SEL1L2: variants seen among roughly 807,000 people sequenced by gnomAD.
SEL1L2 encodes the protein protein sel-1 homolog 2.
Under a neutral mutation model 98.8 loss-of-function variants are expected in SEL1L2, and 89 were observed. The observed-to-expected ratio is 0.90, with a 90% CI of 0.76 to 1.07. The LOEUF is 1.07. Ranked by LOEUF, SEL1L2 falls within the 50% of genes least tolerant of loss-of-function variation. The pLI is 0.00. For missense variants in SEL1L2, 788 were observed against 812.0 expected (o/e 0.97, Z 0.36); for synonymous variants, 262 against 278.5 (o/e 0.94, Z 0.59).
At chr20:13,933,112 G>A (rs996770533) in intron 2 of SEL1L2, among the ~76,000 whole-genome samples, 10 of 152,174 alleles carry the variant, frequency 6.6e-5, no homozygotes, top group East Asian at 1.9e-4. Flanking sequence ...TGGGAGGTGA[G>A]GCAGAAGAAT....
intron 1 of SEL1L2, among the ~76,000 whole-genome samples, chr20:13,988,358 T>C (rs998545936): frequency 6.6e-6 from 1 of 152,178 alleles, no homozygotes; most frequent in Non-Finnish European, 1.5e-5. Flanking sequence ...GTTTTATTTA[T>C]TTTTTTCAAA....
intron 4 of SEL1L2, among the ~76,000 whole-genome samples, chr20:13,916,967 T>A (rs1386945290): frequency 6.6e-6 from 1 of 152,136 alleles, no homozygotes; most frequent in Non-Finnish European, 1.5e-5. Context: ...TTCTCCCTGT[T>A]CTTTAGGCCA....
chr20:13,865,893 G>A (rs1387498634), intron 15 of SEL1L2, among the ~76,000 whole-genome samples: 2 of 152,068 alleles, frequency 1.3e-5, no homozygotes, highest in South Asian at 2.1e-4. Context: ...GCTGCTCTGC[G>A]AGGGCAAGTT....
At chr20:13,915,047 G>T in intron 4 of SEL1L2, 1 of 1,203,388 alleles carries the variant, frequency 8.3e-7, no homozygotes, top group Non-Finnish European at 1.1e-6. Context: ...CTGTGACCTT[G>T]ACTCAAATAC....
chr20:13,885,355 C>T lies in SEL1L2; in HGVS notation c.949G>A (p.Asp317Asn). 1 of 1,598,802 alleles carries T rather than the reference C, an allele frequency of 6.3e-7. No homozygotes were observed. Among genetic ancestry groups the T allele is most frequent in the Admixed American group, 1.7e-5 (1 of 60,006 alleles). The change falls in exon 10 of 20, where the codon GAT becomes AAT. Residue 317 changes from aspartate (D) to asparagine (N), a missense_variant. By Grantham distance (23) the Asp-to-Asn change is conservative. Coordinates refer to ENST00000284951, the MANE Select transcript of SEL1L2 (RefSeq NM_025229.2). ...HLIGRKGLDQ[D>N]YYKALHYFLK... ...TCTTGAGATTGACTTACGTAGTAAT[C>T]CTGATCTAGACCTTTCCTGCCAATT... is the stretch of plus-strand genomic sequence containing the variant.
chr20:13,951,276 CAAA>C (rs764034768), intron 2 of SEL1L2, among the ~76,000 whole-genome samples: 5 of 25,502 alleles, frequency 2.0e-4, no homozygotes, highest in East Asian at 1.6e-3. Flanking sequence ...GACTCCGTCT[CAAA>C]AAAAAAAAAA....
At chr20:13,927,467 A>T (rs2148287763) in intron 3 of SEL1L2, among the ~76,000 whole-genome samples, 1 of 152,338 alleles carries the variant, frequency 6.6e-6, no homozygotes, top group African/African-American at 2.4e-5. Flanking sequence ...ATGGCTAAAT[A>T]GTTTTCTCTG....
intron 1 of SEL1L2, among the ~76,000 whole-genome samples, chr20:13,968,292 C>T (rs2051137527): frequency 6.6e-6 from 1 of 152,160 alleles, no homozygotes. Flanking sequence ...CTTCCAGAAG[C>T]CTAATTACCT....
At chr20:13,907,730 CTT>C (rs2048010423) in intron 5 of SEL1L2, among the ~76,000 whole-genome samples, 2 of 123,356 alleles carry the variant, frequency 1.6e-5, no homozygotes, top group South Asian at 5.0e-4. Flanking sequence ...TTCTTTCTTT[CTT>C]TCTTTCTTTC....
At chr20:13,929,822 C>T (rs1277231704) in intron 3 of SEL1L2, among the ~76,000 whole-genome samples, 3 of 135,534 alleles carry the variant, frequency 2.2e-5, no homozygotes, top group African/African-American at 8.3e-5. Flanking sequence ...ACGGGGTCTC[C>T]CTCTGTCGCC....
At chr20:13,919,617 A>C (rs575176232) in intron 3 of SEL1L2, among the ~76,000 whole-genome samples, 1 of 152,168 alleles carries the variant, frequency 6.6e-6, no homozygotes, top group African/African-American at 2.4e-5. Flanking sequence ...GGAGGAGGGA[A>C]TTGCTTTATA....
At chr20:13,946,828 A>T (rs1384116601) in intron 2 of SEL1L2, among the ~76,000 whole-genome samples, 1 of 152,140 alleles carries the variant, frequency 6.6e-6, no homozygotes, top group Admixed American at 6.5e-5. Flanking sequence ...ACTGAGGTGG[A>T]GCCTGGGCAC....
intron 5 of SEL1L2, among the ~76,000 whole-genome samples, chr20:13,898,685 A>G (rs1187333462): frequency 1.3e-5 from 2 of 152,094 alleles, no homozygotes; most frequent in Non-Finnish European, 2.9e-5. Flanking sequence ...AGCCAAATCT[A>G]CTTATGTCAC....
At chr20:13,984,632 T>C (rs2052056039) in intron 1 of SEL1L2, among the ~76,000 whole-genome samples, 1 of 152,136 alleles carries the variant, frequency 6.6e-6, no homozygotes, top group East Asian at 1.9e-4. Context: ...CATCCAATCC[T>C]CTACTGCCAA....
At chr20:13,952,789 G>C (rs560514121) in intron 2 of SEL1L2, among the ~76,000 whole-genome samples, 3 of 152,306 alleles carry the variant, frequency 2.0e-5, no homozygotes, top group Admixed American at 6.5e-5. Flanking sequence ...CCAGCACTTT[G>C]GGAGGCCAAG....
At chr20:13,910,906 G>C (rs2048180387) in intron 5 of SEL1L2, among the ~76,000 whole-genome samples, 1 of 152,206 alleles carries the variant, frequency 6.6e-6, no homozygotes, top group South Asian at 2.1e-4. Flanking sequence ...ACGTTAACTA[G>C]AGTGAAACTC....
chr20:13,957,525 T>G (rs545183254), intron 1 of SEL1L2, among the ~76,000 whole-genome samples: 23 of 152,210 alleles, frequency 1.5e-4, no homozygotes, highest in Non-Finnish European at 3.1e-4. Context: ...TAGGAACTGG[T>G]CCCAGATTGA....
upstream of SEL1L2, among the ~76,000 whole-genome samples, chr20:13,994,067 T>C (rs756502342): frequency 2.0e-5 from 3 of 152,132 alleles, no homozygotes; most frequent in East Asian, 1.9e-4. Flanking sequence ...TCCCAGCACT[T>C]TGGGATCACT....
At chr20:13,849,701 C>A in intron 19 of SEL1L2, 97 bp from the exon 20 acceptor site, 3 of 1,385,262 alleles carry the variant, frequency 2.2e-6, no homozygotes. Context: ...CAACCCTCCT[C>A]CCACCCATTC....
Sources: allele counts gnomAD v4.1 joint callset (sites outside exome capture counted in the v4.1 genomes callset), GRCh38; gene constraint gnomAD v4.1.1; transcripts MANE v1.5; gene names NCBI Gene and HGNC (gene_info 2026-07-23, HGNC 2026-07-21).